The following METTL25 variants were observed in gnomAD, a reference collection of about 807,000 sequenced individuals.
METTL25 encodes the protein probable methyltransferase-like protein 25.
METTL25 carries 64 observed loss-of-function variants against 71.6 expected under a neutral mutation model. That is an observed-to-expected ratio of 0.89 (90% CI 0.73 to 1.10). METTL25 has a LOEUF of 1.10. METTL25 is among the 50% of genes least tolerant of loss of function. METTL25 has a pLI of 0.00. For synonymous variants in METTL25, 287 were observed against 250.3 expected, an observed-to-expected ratio of 1.15 and a Z score of -1.38; for missense variants, 807 against 707.0, an observed-to-expected ratio of 1.14 and a Z score of -1.60.
intron 8 of METTL25, among the ~76,000 whole-genome samples, chr12:82,446,968 G>A (rs146540919): frequency 4.6e-5 from 7 of 152,164 alleles, no homozygotes; most frequent in African/African-American, 1.7e-4. Flanking sequence ...AGACTGTATA[G>A]TATTCAGCAA....
At chr12:82,450,367 G>A (rs1219612407) in intron 8 of METTL25, among the ~76,000 whole-genome samples, 2 of 151,856 alleles carry the variant, frequency 1.3e-5, no homozygotes, top group African/African-American at 4.8e-5. Flanking sequence ...CAATCTTTCA[G>A]CAACTTTATA....
At chr12:82,393,098 C>T (rs531470497) in intron 3 of METTL25, among the ~76,000 whole-genome samples, 1 of 152,016 alleles carries the variant, frequency 6.6e-6, no homozygotes, top group Non-Finnish European at 1.5e-5. Context: ...CTCAAGATTG[C>T]TTTGGCTGTT....
At chr12:82,435,713 A>C (rs965843921) in intron 7 of METTL25, among the ~76,000 whole-genome samples, 1 of 151,392 alleles carries the variant, frequency 6.6e-6, no homozygotes, top group Non-Finnish European at 1.5e-5. Flanking sequence ...ATACCTTCCT[A>C]TAGGGTTGTT....
chr12:82,452,974 T>C (rs1479234802), intron 8 of METTL25, among the ~76,000 whole-genome samples: 2 of 152,152 alleles, frequency 1.3e-5, no homozygotes, highest in African/African-American at 4.8e-5. Flanking sequence ...TCAAAACCTA[T>C]ACCAACCACT....
At chr12:82,458,228 A>G (rs1891628492) in intron 9 of METTL25, among the ~76,000 whole-genome samples, 1 of 152,190 alleles carries the variant, frequency 6.6e-6, no homozygotes, top group African/African-American at 2.4e-5. Flanking sequence ...TGCTATGGAC[A>G]TCACAAACAT....
Position 82,386,889 on chromosome 12 carries a change from T to G in METTL25, c.346T>G (p.Ser116Ala). 6.2e-7 allele frequency: 1 copy of G among 1,613,496 alleles called. No homozygotes were observed. The highest frequency in any genetic ancestry group is 1.1e-5 in the South Asian group (1 of 91,068). ...CTTTGCTCTGGCTGCGAAATACTAT[T>G]CTGTACAAAACTTGGGAATATGTAC... ...EAFALAAKYY[S>A]VQNLGICTPF... The change falls in exon 2 of 12, where the codon TCT (serine) becomes GCT (alanine). Residue 116 changes from serine (S) to alanine (A), a missense_variant. Ser to Ala is a moderately conservative substitution (Grantham distance 99). Transcript: ENST00000248306.
chr12:82,471,796 A>G (rs1002008775), intron 9 of METTL25, among the ~76,000 whole-genome samples: 4 of 152,330 alleles, frequency 2.6e-5, no homozygotes, highest in African/African-American at 9.6e-5. Flanking sequence ...ATAATAGCAG[A>G]TCTAGCATTA....
In METTL25 at chr12:82,478,922, T is replaced by G. The variant is rs1165847202; in HGVS notation, c.1720-10T>G. ...ATGGTTGTATATCTAAATCACTTAT[T>G]AATTTACAGGAAGATATTGCATGGT... On this transcript the variant is annotated splice_polypyrimidine_tract_variant and intron_variant, in intron 11 of 11. Coordinates refer to ENST00000248306, the MANE Select transcript of METTL25 (RefSeq NM_032230.3). The G allele has an allele frequency of 6.2e-7, 1 of 1,605,842 alleles. No individual in the cohort carries two copies. Among genetic ancestry groups the G allele is most frequent in the East Asian group, 2.2e-5 (1 of 44,686 alleles).
At chr12:82,422,368 C>G (rs970172990) in intron 5 of METTL25, among the ~76,000 whole-genome samples, 7 of 152,256 alleles carry the variant, frequency 4.6e-5, no homozygotes, top group African/African-American at 1.7e-4. Context: ...TAAAAACTCT[C>G]AATAAATTAG....
chr12:82,429,175 A>G (rs1362362558), intron 5 of METTL25, among the ~76,000 whole-genome samples: 1 of 151,168 alleles, frequency 6.6e-6, no homozygotes, highest in Non-Finnish European at 1.5e-5. Context: ...CAATTAATCT[A>G]CCTCTCTTCA....
At chr12:82,408,590 G>T (rs938521837) in intron 5 of METTL25, among the ~76,000 whole-genome samples, 1 of 90,498 alleles carries the variant, frequency 1.1e-5, no homozygotes, top group Non-Finnish European at 2.2e-5. Flanking sequence ...ATGAACAGAT[G>T]TGACTCCGTG....
At position 82,477,364 on chromosome 12, in the gene METTL25, T is replaced by C; in HGVS notation, c.1719+12T>C. ...ACCTGAAAGAGCAGGTAAATTATGT[T>C]ATTTTAAAATACACAACAAATATCT... On this transcript the variant is annotated intron_variant, in intron 11 of 11. Coordinates refer to ENST00000248306, the MANE Select transcript of METTL25 (RefSeq NM_032230.3). 1 of 1,390,604 alleles carries C rather than the reference T, an allele frequency of 7.2e-7. No individual in the cohort carries two copies. The highest frequency in any genetic ancestry group is 1.0e-6 in the Non-Finnish European group (1 of 1,003,744). 86.1% of individuals were successfully genotyped at this position (1,390,604 alleles called of 1,614,324 possible).
intron 5 of METTL25, among the ~76,000 whole-genome samples, chr12:82,422,242 C>A (rs1213025278): frequency 6.6e-6 from 1 of 152,104 alleles, no homozygotes; most frequent in Non-Finnish European, 1.5e-5. Flanking sequence ...GCTGGTTCAA[C>A]ATACGCAAAT....
chr12:82,469,757 A>T (rs747133008), intron 9 of METTL25, among the ~76,000 whole-genome samples: 2 of 152,002 alleles, frequency 1.3e-5, no homozygotes, highest in Non-Finnish European at 2.9e-5. Context: ...GTGCACTTTG[A>T]GGTTTTATGC....
chr12:82,392,253 C>T (rs756839366), intron 3 of METTL25, among the ~76,000 whole-genome samples: 2 of 136,162 alleles, frequency 1.5e-5, no homozygotes, highest in Admixed American at 7.4e-5. Context: ...TATCCCTCCC[C>T]CCTCCCCGCA....
At chr12:82,440,492 C>A (rs1052835615) in intron 8 of METTL25, among the ~76,000 whole-genome samples, 5 of 151,982 alleles carry the variant, frequency 3.3e-5, no homozygotes, top group Admixed American at 3.3e-4. Context: ...CATTAGAAGT[C>A]TAGAAATGAT....
chr12:82,414,981 C>T (rs1592682852), intron 5 of METTL25, among the ~76,000 whole-genome samples: 1 of 152,092 alleles, frequency 6.6e-6, no homozygotes, highest in East Asian at 1.9e-4. Context: ...CTCAGGTGTT[C>T]CATATGTGTC....
chr12:82,369,768 G>A (rs992017728), intron 1 of METTL25, among the ~76,000 whole-genome samples: 4 of 55,542 alleles, frequency 7.2e-5, no homozygotes, highest in Admixed American at 2.2e-4. Context: ...GTGCTGATTG[G>A]TCCATTTTAC....
At chr12:82,441,806 A>AACACACACACAG (rs1555215791) in intron 8 of METTL25, among the ~76,000 whole-genome samples, 1 of 133,986 alleles carries the variant, frequency 7.5e-6, no homozygotes, top group East Asian at 2.2e-4. Flanking sequence ...AAAAAATAGA[A>AACACACACACAG]ACACACACAC....
Sources: allele counts gnomAD v4.1 joint callset (sites outside exome capture counted in the v4.1 genomes callset), GRCh38; gene constraint gnomAD v4.1.1; transcripts MANE v1.5; gene names NCBI Gene and HGNC (gene_info 2026-07-23, HGNC 2026-07-21).